Variants in GRIA2 observed in about 807,000 individuals in gnomAD.
The protein encoded by GRIA2 is glutamate receptor 2.
In GRIA2, 14 loss-of-function variants were observed where a neutral mutation model predicts 97.3. That is an observed-to-expected ratio of 0.14 (90% CI 0.10 to 0.23). The LOEUF (loss-of-function observed/expected upper bound fraction) is 0.23, where lower values mean the gene tolerates loss of function less well. Among genes scored for constraint, GRIA2 ranks in the 10% least tolerant of loss-of-function variants. The pLI, the probability that GRIA2 is intolerant of heterozygous loss-of-function variation, is 1.00. For missense variants in GRIA2, 558 were observed against 1,069.8 expected (o/e 0.52, Z 6.67); for synonymous variants, 412 against 387.8 (o/e 1.06, Z -0.73).
At chr4:157,320,083 G>T (rs952440865) in intron 5 of GRIA2, among the ~76,000 whole-genome samples, 1 of 152,022 alleles carries the variant, frequency 6.6e-6, no homozygotes, top group Admixed American at 6.5e-5. Context: ...TTATTCATAG[G>T]CATGAAATGT....
At chr4:157,276,364 C>A (rs1732312384) in intron 2 of GRIA2, among the ~76,000 whole-genome samples, 1 of 151,974 alleles carries the variant, frequency 6.6e-6, no homozygotes, top group Non-Finnish European at 1.5e-5. Context: ...ATCAAAATTT[C>A]TGGATGCAGC....
At chr4:157,317,634 T>G in intron 4 of GRIA2, 24 bp from the exon 5 acceptor site, 1 of 864,028 alleles carries the variant, frequency 1.2e-6, no homozygotes, top group Middle Eastern at 2.2e-4. Context: ...ATTAATTAAA[T>G]AATTACTTAT....
intron 2 of GRIA2, among the ~76,000 whole-genome samples, chr4:157,257,087 C>T (rs990558943): frequency 6.6e-6 from 1 of 151,970 alleles, no homozygotes; most frequent in African/African-American, 2.4e-5. Context: ...ATCAGTTATG[C>T]TTTCAAAATA....
chr4:157,312,258 C>T (rs981402722), intron 3 of GRIA2, among the ~76,000 whole-genome samples: 1 of 152,010 alleles, frequency 6.6e-6, no homozygotes, highest in African/African-American at 2.4e-5. Context: ...TCGTCTTCTT[C>T]AGGATACTAA....
chr4:157,350,430 G>A (rs1289830661), intron 12 of GRIA2, among the ~76,000 whole-genome samples: 1 of 151,724 alleles, frequency 6.6e-6, no homozygotes, highest in African/African-American at 2.4e-5. Flanking sequence ...AGATTTTGGG[G>A]GAACAGGTGG....
intron 2 of GRIA2, among the ~76,000 whole-genome samples, chr4:157,260,861 CTCTT>C (rs1190253235): frequency 6.6e-6 from 1 of 151,836 alleles, no homozygotes; most frequent in South Asian, 2.1e-4. Context: ...CTCCCTTTCT[CTCTT>C]TCTCCTCTAC....
intron 2 of GRIA2, among the ~76,000 whole-genome samples, chr4:157,281,596 A>T (rs1732599903): frequency 6.6e-6 from 1 of 152,044 alleles, no homozygotes; most frequent in African/African-American, 2.4e-5. Flanking sequence ...AATACCCTTA[A>T]TATTTTGTAA....
intron 2 of GRIA2, chr4:157,249,615 G>A (rs1054852531): frequency 6.6e-6 from 1 of 152,112 alleles, no homozygotes; most frequent in African/African-American, 2.4e-5. Context: ...CAAAGTGCCT[G>A]GGATACAGAA....
chr4:157,259,016 G>C (rs1561014589), intron 2 of GRIA2, among the ~76,000 whole-genome samples: 1 of 151,998 alleles, frequency 6.6e-6, no homozygotes, highest in South Asian at 2.1e-4. Flanking sequence ...GAGTCCAGGA[G>C]TTCGAGACCA....
intron 9 of GRIA2, chr4:157,335,082 C>T (rs774786865): frequency 2.6e-5 from 4 of 153,376 alleles, no homozygotes; most frequent in Non-Finnish European, 4.4e-5. Flanking sequence ...GGGGAAGCTA[C>T]TCTCTAGCTA....
chr4:157,357,030 T>C (rs1304863234), intron 12 of GRIA2, among the ~76,000 whole-genome samples: 1 of 152,186 alleles, frequency 6.6e-6, no homozygotes. Context: ...CCCAAAACTT[T>C]GCTTTACCTT....
chr4:157,332,284 T>C (rs990879235), intron 6 of GRIA2, among the ~76,000 whole-genome samples: 2 of 151,972 alleles, frequency 1.3e-5, no homozygotes, highest in African/African-American at 4.8e-5. Flanking sequence ...TTTGTGGTTC[T>C]TCTACTTGAT....
At chr4:157,333,147 G>C in intron 7 of GRIA2, 102 bp from the exon 8 acceptor site, 1 of 899,908 alleles carries the variant, frequency 1.1e-6, no homozygotes. Flanking sequence ...AAATATTATT[G>C]ATGTAGTTTT....
At chr4:157,259,500 T>G (rs527988172) in intron 2 of GRIA2, among the ~76,000 whole-genome samples, 6 of 152,256 alleles carry the variant, frequency 3.9e-5, no homozygotes, top group African/African-American at 1.4e-4. Flanking sequence ...GTAGAGAGTT[T>G]ATTTCACAGG....
At chr4:157,344,698 T>C (rs1239684081) in intron 12 of GRIA2, among the ~76,000 whole-genome samples, 2 of 152,122 alleles carry the variant, frequency 1.3e-5, no homozygotes, top group East Asian at 3.9e-4. Flanking sequence ...GGAATTTTAT[T>C]AGTTATATTA....
intron 2 of GRIA2, among the ~76,000 whole-genome samples, chr4:157,272,980 T>C (rs1451778316): frequency 6.6e-6 from 1 of 152,056 alleles, no homozygotes; most frequent in Non-Finnish European, 1.5e-5. Flanking sequence ...AAACCCATCA[T>C]ATCCAAGGGT....
chr4:157,303,607 G>A lies in GRIA2; in HGVS notation c.285G>A (p.Lys95=). 6.2e-7 allele frequency: 1 copy of A among 1,613,840 alleles called. No homozygotes were observed. The highest frequency in any genetic ancestry group is 8.5e-7 in the Non-Finnish European group (1 of 1,179,782). Residue 95 remains lysine (K), a synonymous_variant, in exon 3 of 16, where the codon AAG becomes AAA. Coordinates refer to ENST00000264426, the MANE Select transcript of GRIA2 (RefSeq NM_001083619.3). ...CTATTTTTGGATTTTATGACAAGAA[G>A]TCTGTAAATACCATCACATCATTTT... The part of the protein sequence containing the change: ...VYAIFGFYDK[K]SVNTITSFCG...
chr4:157,355,343 C>A (rs906215451), intron 12 of GRIA2, among the ~76,000 whole-genome samples: 1 of 151,868 alleles, frequency 6.6e-6, no homozygotes, highest in Non-Finnish European at 1.5e-5. Flanking sequence ...GCCTGGCCAA[C>A]ATGGTGAAAC....
chr4:157,296,941 T>C (rs780240284), intron 2 of GRIA2, among the ~76,000 whole-genome samples: 1 of 152,164 alleles, frequency 6.6e-6, no homozygotes, highest in Non-Finnish European at 1.5e-5. Flanking sequence ...GAAAGGCAGA[T>C]TGCTTTAGAA....
Sources: allele counts gnomAD v4.1 joint callset (sites outside exome capture counted in the v4.1 genomes callset), GRCh38; gene constraint gnomAD v4.1.1; transcripts MANE v1.5; gene names NCBI Gene and HGNC (gene_info 2026-07-23, HGNC 2026-07-21).